Variants in RBKS observed in about 807,000 individuals in gnomAD.
RBKS encodes ribokinase.
A neutral mutation model predicts 33.9 loss-of-function variants in RBKS; 33 were observed. The ratio of observed to expected loss-of-function variants is 0.97; its 90% CI spans 0.74 to 1.30. The LOEUF (loss-of-function observed/expected upper bound fraction) is 1.30. RBKS is among the 50% of genes most tolerant of loss of function. The pLI is 0.00. For missense variants in RBKS, 361 were observed against 392.6 expected (o/e 0.92, Z 0.68); for synonymous variants, 125 against 143.0 (o/e 0.87, Z 0.90).
intron 1 of RBKS, among the ~76,000 whole-genome samples, chr2:27,889,368 G>C (rs979302577): frequency 2.0e-5 from 3 of 152,118 alleles, no homozygotes; most frequent in East Asian, 1.9e-4. Flanking sequence ...TAGCATACCT[G>C]ATCATTTTTA....
At chr2:27,874,448 C>T (rs1035249469) in intron 1 of RBKS, among the ~76,000 whole-genome samples, 8 of 152,128 alleles carry the variant, frequency 5.3e-5, no homozygotes, top group East Asian at 1.9e-4. Context: ...CTGTCCTGGG[C>T]GGAACTCACA....
At chr2:27,835,430 ACCC>A (rs1247631830) in intron 5 of RBKS, among the ~76,000 whole-genome samples, 2 of 29,390 alleles carry the variant, frequency 6.8e-5, no homozygotes, top group Non-Finnish European at 1.5e-4. Flanking sequence ...CACCCACCCC[ACCC>A]CCCCTTTTCT....
chr2:27,783,700 G>C (rs1429170255), intron 7 of RBKS, among the ~76,000 whole-genome samples: 1 of 152,010 alleles, frequency 6.6e-6, no homozygotes, highest in Non-Finnish European at 1.5e-5. Context: ...GAGGTCAGGA[G>C]ATCGAGACCA....
chr2:27,880,131 G>A (rs6547814), intron 1 of RBKS, among the ~76,000 whole-genome samples: 52,040 of 152,120 alleles, frequency 0.34, 10,470 homozygotes, highest in East Asian at 0.63. Flanking sequence ...ATGCAAATCA[G>A]TAACTGTGAT....
intron 5 of RBKS, among the ~76,000 whole-genome samples, chr2:27,835,718 C>A (rs1678505813): frequency 6.6e-6 from 1 of 151,590 alleles, no homozygotes; most frequent in Non-Finnish European, 1.5e-5. Context: ...AGCCACCGTG[C>A]CCGGCCTACC....
At chr2:27,820,424 T>C (rs1678178286) in intron 7 of RBKS, among the ~76,000 whole-genome samples, 1 of 152,210 alleles carries the variant, frequency 6.6e-6, no homozygotes, top group Non-Finnish European at 1.5e-5. Context: ...CTCCTATTGA[T>C]GATTAGGAGG....
intron 1 of RBKS, among the ~76,000 whole-genome samples, chr2:27,889,122 C>CT (rs1325579942): frequency 6.6e-6 from 1 of 152,220 alleles, no homozygotes; most frequent in Non-Finnish European, 1.5e-5. Context: ...AGTCTCTTCT[C>CT]TAACTCCCAC....
chr2:27,816,356 A>G (rs1291949636), intron 7 of RBKS, among the ~76,000 whole-genome samples: 2 of 152,204 alleles, frequency 1.3e-5, no homozygotes, highest in Non-Finnish European at 2.9e-5. Flanking sequence ...CTCTTCTGCA[A>G]TTACCTTGTC....
intron 7 of RBKS, among the ~76,000 whole-genome samples, chr2:27,796,249 T>C (rs1198287536): frequency 6.6e-6 from 1 of 152,210 alleles, no homozygotes; most frequent in Non-Finnish European, 1.5e-5. Flanking sequence ...CGGAAAGTGC[T>C]TTAAAAGTAG....
At chr2:27,855,603 T>TA in intron 2 of RBKS, among the ~76,000 whole-genome samples, 1 of 152,356 alleles carries the variant, frequency 6.6e-6, no homozygotes, top group African/African-American at 2.4e-5. Flanking sequence ...TTTTATACAA[T>TA]ATCTGCCAGG....
chr2:27,872,044 T>C (rs928473238), intron 1 of RBKS, among the ~76,000 whole-genome samples: 1 of 152,080 alleles, frequency 6.6e-6, no homozygotes, highest in African/African-American at 2.4e-5. Flanking sequence ...TGACAGGAGG[T>C]GGAGCTTAGG....
intron 1 of RBKS, chr2:27,861,667 G>GGGT (rs1553380070): frequency 2.3e-6 from 1 of 431,900 alleles, no homozygotes; most frequent in Non-Finnish European, 4.8e-6. Context: ...TCTTTTTGGG[G>GGGT]GGGGGGTGGA....
At chr2:27,799,370 C>T (rs1677729666) in intron 7 of RBKS, among the ~76,000 whole-genome samples, 1 of 152,198 alleles carries the variant, frequency 6.6e-6, no homozygotes, top group African/African-American at 2.4e-5. Flanking sequence ...GAATGAGTCA[C>T]TACCCAAACT....
chr2:27,814,227 G>T (rs1257655121), intron 7 of RBKS, among the ~76,000 whole-genome samples: 1 of 151,984 alleles, frequency 6.6e-6, no homozygotes. Context: ...TCTCTTAAAA[G>T]AAAAAAAGCT....
chr2:27,808,525 C>A (rs1271416400), intron 7 of RBKS, among the ~76,000 whole-genome samples: 1 of 152,166 alleles, frequency 6.6e-6, no homozygotes, highest in African/African-American at 2.4e-5. Context: ...CTCAACCTAC[C>A]TCACAGGTTG....
chr2:27,864,959 A>G (rs966549042), intron 1 of RBKS, among the ~76,000 whole-genome samples: 1 of 152,174 alleles, frequency 6.6e-6, no homozygotes, highest in Non-Finnish European at 1.5e-5. Flanking sequence ...AAGGAAAACA[A>G]ATTATCTTGG....
chr2:27,799,087 G>A (rs970993248), intron 7 of RBKS, among the ~76,000 whole-genome samples: 3 of 152,174 alleles, frequency 2.0e-5, no homozygotes, highest in East Asian at 1.9e-4. Context: ...GGTGCTGAGC[G>A]ATGAGGTGAG....
chr2:27,881,699 G>A (rs13413962), intron 1 of RBKS, among the ~76,000 whole-genome samples: 98,865 of 151,920 alleles, frequency 0.65, 33,933 homozygotes, highest in Middle Eastern at 0.8. Context: ...AAAACAGCAT[G>A]GTACTGGTAC....
chr2:27,809,226 C>T (rs1677946193), intron 7 of RBKS, among the ~76,000 whole-genome samples: 1 of 152,262 alleles, frequency 6.6e-6, no homozygotes, highest in Admixed American at 6.5e-5. Context: ...GCCAGGAGCC[C>T]ATTGGGCTGC....
Sources: gnomAD v4.1 joint callset for allele counts (sites outside exome capture counted in the v4.1 genomes callset) on GRCh38, gnomAD v4.1.1 for gene constraint, MANE v1.5 for transcripts, NCBI Gene and HGNC (gene_info 2026-07-23, HGNC 2026-07-21) for gene names.